Variants in APPBP2 observed in about 807,000 individuals in gnomAD.
APPBP2 encodes amyloid protein-binding protein 2.
APPBP2 carries 15 observed loss-of-function variants against 76.0 expected under a neutral mutation model. The ratio of observed to expected loss-of-function variants is 0.20; its 90% CI spans 0.13 to 0.30. The LOEUF (loss-of-function observed/expected upper bound fraction) is 0.30, where lower values mean the gene tolerates loss of function less well. APPBP2 is among the 10% of genes least tolerant of loss of function. APPBP2 has a pLI of 1.00. For missense variants in APPBP2, 401 were observed against 687.2 expected, an observed-to-expected ratio of 0.58 and a Z score of 4.66; for synonymous variants, 222 against 242.2, an observed-to-expected ratio of 0.92 and a Z score of 0.77.
chr17:60,523,854 G>A (rs1433442319), intron 1 of APPBP2, among the ~76,000 whole-genome samples: 3 of 152,054 alleles, frequency 2.0e-5, no homozygotes, highest in Admixed American at 6.6e-5. Flanking sequence ...AGGAACTCAG[G>A]AACTAAATAT....
At chr17:60,487,457 T>G (rs1050681899) in intron 3 of APPBP2, among the ~76,000 whole-genome samples, 2 of 152,210 alleles carry the variant, frequency 1.3e-5, no homozygotes, top group East Asian at 1.9e-4. Context: ...CTTCAATCAC[T>G]GATACCCTTT....
At chr17:60,477,913 G>A (rs544009909) in intron 4 of APPBP2, among the ~76,000 whole-genome samples, 111 of 151,978 alleles carry the variant, frequency 7.3e-4, no homozygotes, top group Non-Finnish European at 1.1e-3. Flanking sequence ...GGCCCAGGCA[G>A]AGGATTGCTT....
intron 1 of APPBP2, among the ~76,000 whole-genome samples, chr17:60,524,539 C>G (rs2091034855): frequency 6.7e-6 from 1 of 150,048 alleles, no homozygotes; most frequent in South Asian, 2.1e-4. Context: ...GGGGGAAACC[C>G]CACTTTAATT....
In APPBP2 at chr17:60,461,845, C is replaced by T. The variant is rs1317640467; in HGVS notation, c.901G>A (p.Val301Ile). 3 of 1,611,596 alleles carry T rather than the reference C, an allele frequency of 1.9e-6. No homozygotes were observed. The highest frequency in any genetic ancestry group is 2.7e-5 in the African/African-American group (2 of 74,878). ...GCAACAGACTGACAGATATTATCTA[C>T]ATTGAGTAAGTAGAACCCATAATCT... is the stretch of plus-strand genomic sequence containing the variant. ...LLDYGFYLLN[V>I]DNICQSVAIY... Residue 301 changes from valine to isoleucine, a missense_variant, in exon 8 of 13, where the codon GTA becomes ATA. By Grantham distance (29) the Val-to-Ile change is conservative. Transcript: ENST00000083182.
intron 1 of APPBP2, among the ~76,000 whole-genome samples, chr17:60,521,599 G>A (rs974862736): frequency 1.3e-5 from 2 of 149,270 alleles, no homozygotes; most frequent in Admixed American, 6.6e-5. Flanking sequence ...TTCTTTTTGT[G>A]AAGAATGGGG....
chr17:60,511,401 A>G (rs536922779), intron 1 of APPBP2, among the ~76,000 whole-genome samples: 42 of 152,228 alleles, frequency 2.8e-4, no homozygotes, highest in African/African-American at 9.6e-4. Context: ...CCTGGCCAAC[A>G]TGGTGAAACC....
At chr17:60,452,653 G>T (rs1434939180) in intron 11 of APPBP2, among the ~76,000 whole-genome samples, 1 of 152,190 alleles carries the variant, frequency 6.6e-6, no homozygotes, top group Non-Finnish European at 1.5e-5. Flanking sequence ...GGGCACAGTG[G>T]CTCATGCCTG....
intron 1 of APPBP2, among the ~76,000 whole-genome samples, chr17:60,512,995 A>G (rs1490991672): frequency 6.7e-6 from 1 of 149,566 alleles, no homozygotes; most frequent in Non-Finnish European, 1.5e-5. Context: ...AGCCTATTCA[A>G]AAGGGAACGC....
At chr17:60,498,624 A>C (rs1405632228) in intron 2 of APPBP2, among the ~76,000 whole-genome samples, 1 of 152,214 alleles carries the variant, frequency 6.6e-6, no homozygotes, top group African/African-American at 2.4e-5. Context: ...CTGTAATTGC[A>C]CATAACATAG....
At position 60,463,759 on chromosome 17, in the gene APPBP2, C is replaced by G. The variant is rs1378275261; in HGVS notation, c.762+262G>C. Among the ~76,000 whole-genome samples the G allele has an allele frequency of 6.6e-5, 10 of 152,162 alleles. 1 individual carries two copies. Among genetic ancestry groups the G allele is most frequent in the Non-Finnish European group, 1.5e-4 (10 of 68,018 alleles). ...AATAGCACCCAAATACTACTTTGAG[C>G]TGTACTTTAGTGCACTGAAACAATG... On this transcript the variant is annotated intron_variant, in intron 6 of 12. Transcript: ENST00000083182.
In APPBP2 at chr17:60,466,302, G is replaced by C; in HGVS notation, c.661C>G (p.His221Asp). 6.2e-7 allele frequency: 1 copy of C among 1,613,602 alleles called. No individual in the cohort carries two copies. The highest frequency in any genetic ancestry group is 8.5e-7 in the Non-Finnish European group (1 of 1,179,848). Residue 221 changes from histidine to aspartate, a missense_variant, in exon 5 of 13, where the codon CAC (histidine) becomes GAC (aspartate). His to Asp is a moderately conservative substitution (Grantham distance 81). This residue lies in a region of APPBP2 where 64 missense variants were observed against 72.9 expected (regional missense o/e 0.88). Coordinates refer to ENST00000083182, the MANE Select transcript of APPBP2 (RefSeq NM_006380.5). Reference sequence around the variant, plus strand: ...CTTAAAACACTTACCTCATCATAGTGACTTTTTGCAAATAGGAGTGCACAC... The same window carrying C: ...CTTAAAACACTTACCTCATCATAGTCACTTTTTGCAAATAGGAGTGCACAC... ...ELCALLFAKS[H>D]YDEAYKWCIE...
At chr17:60,470,182 T>C (rs2090541896) in intron 4 of APPBP2, among the ~76,000 whole-genome samples, 2 of 152,282 alleles carry the variant, frequency 1.3e-5, no homozygotes, top group Admixed American at 6.5e-5. Flanking sequence ...TATCTTTTCA[T>C]GTGCTTATCT....
chr17:60,496,757 G>A (rs1186458670), intron 2 of APPBP2, among the ~76,000 whole-genome samples: 1 of 152,082 alleles, frequency 6.6e-6, no homozygotes, highest in Non-Finnish European at 1.5e-5. Flanking sequence ...GTCTCACTCT[G>A]TCACCCAGGC....
chr17:60,498,446 A>G (rs1221542527), intron 2 of APPBP2, among the ~76,000 whole-genome samples: 1 of 152,192 alleles, frequency 6.6e-6, no homozygotes, highest in Admixed American at 6.5e-5. Flanking sequence ...TCTAATAGAT[A>G]TGCATACATA....
chr17:60,494,054 G>A (rs1333313626), intron 3 of APPBP2, among the ~76,000 whole-genome samples: 1 of 152,170 alleles, frequency 6.6e-6, no homozygotes, highest in Non-Finnish European at 1.5e-5. Context: ...GAAAACTGAG[G>A]CTCCGAAAGG....
intron 1 of APPBP2, among the ~76,000 whole-genome samples, chr17:60,511,289 A>G (rs974152877): frequency 4.6e-5 from 7 of 152,184 alleles, no homozygotes; most frequent in East Asian, 1.9e-4. Flanking sequence ...CAGTATAGCT[A>G]TAAGAAAACA....
chr17:60,501,413 T>TG (rs1282406555), intron 1 of APPBP2, among the ~76,000 whole-genome samples: 1 of 152,182 alleles, frequency 6.6e-6, no homozygotes, highest in Non-Finnish European at 1.5e-5. Context: ...GAGACAGTCT[T>TG]GCTCTGTTGC....
chr17:60,464,110 C>A lies in APPBP2; in HGVS notation c.673G>T (p.Ala225Ser). 1 of 1,603,912 alleles carries A rather than the reference C, an allele frequency of 6.2e-7. No homozygotes were observed. The highest frequency in any genetic ancestry group is 8.5e-7 in the Non-Finnish European group (1 of 1,176,180). Residue 225 changes from alanine (A) to serine (S), a missense_variant and splice_region_variant, in exon 6 of 13, where the codon GCA (alanine) becomes TCA (serine). By Grantham distance (99) the Ala-to-Ser change is moderately conservative (BLOSUM62 1). Transcript: ENST00000083182. ...LLFAKSHYDE[A>S]YKWCIEAMKE... ...ATTGCCTCGATGCACCATTTGTATGCCTAAAAAAATTATTTATAGAAGAGA... is the reference window on the plus strand; with the variant it reads ...ATTGCCTCGATGCACCATTTGTATGACTAAAAAAATTATTTATAGAAGAGA...
chr17:60,518,171 A>G (rs1159192715), intron 1 of APPBP2, among the ~76,000 whole-genome samples: 3 of 151,538 alleles, frequency 2.0e-5, no homozygotes, highest in Non-Finnish European at 2.9e-5. Flanking sequence ...AATTCTGCCA[A>G]GTAACTGGCA....
Sources: allele counts gnomAD v4.1 joint callset (sites outside exome capture counted in the v4.1 genomes callset), GRCh38; gene constraint gnomAD v4.1.1; regional missense constraint gnomAD v4.1.1; transcripts MANE v1.5; gene names NCBI Gene and HGNC (gene_info 2026-07-23, HGNC 2026-07-21).